TNR: variants seen among roughly 807,000 people sequenced by gnomAD.
TNR encodes tenascin-R.
TNR carries 45 observed loss-of-function variants against 150.4 expected under a neutral mutation model. That is an observed-to-expected ratio of 0.30 (90% confidence interval 0.24 to 0.38). The LOEUF is 0.38. Among genes scored for constraint, TNR ranks in the 10% least tolerant of loss-of-function variants. The pLI is 1.00. For synonymous variants in TNR, 687 were observed against 678.4 expected (o/e 1.01, Z -0.20); for missense variants, 1,544 against 1,759.1 (o/e 0.88, Z 2.19).
intron 1 of TNR, among the ~76,000 whole-genome samples, chr1:175,574,299 G>A (rs1038044499): frequency 7.9e-5 from 12 of 152,122 alleles, no homozygotes; most frequent in African/African-American, 1.2e-4. Context: ...ATGAAAAGAC[G>A]TCCTGTCCCC....
At chr1:175,335,999 T>G (rs1650230435) in intron 19 of TNR, among the ~76,000 whole-genome samples, 192 bp from the exon 20 acceptor site, 1 of 152,226 alleles carries the variant, frequency 6.6e-6, no homozygotes, top group Admixed American at 6.5e-5. Flanking sequence ...TAGGAGACAC[T>G]CAGAGCATTT....
At chr1:175,681,817 G>A (rs1341892915) in intron 1 of TNR, among the ~76,000 whole-genome samples, 1 of 152,146 alleles carries the variant, frequency 6.6e-6, no homozygotes, top group African/African-American at 2.4e-5. Context: ...GGAGAAAGGT[G>A]GGAATGGGCC....
intron 1 of TNR, among the ~76,000 whole-genome samples, chr1:175,543,179 C>A (rs1441903544): frequency 6.6e-6 from 1 of 152,094 alleles, no homozygotes; most frequent in African/African-American, 2.4e-5. Context: ...CAAAATGGGG[C>A]AGAAAGGGTA....
Position 175,359,723 on chromosome 1 carries a change from T to G in TNR, c.2863A>C (p.Asn955His), listed in dbSNP as rs746636410. Residue 955 changes from asparagine to histidine, a missense_variant, in exon 15 of 23, where the codon AAC becomes CAC. Physicochemically the swap from Asn to His is moderately conservative, Grantham distance 68. Transcript: ENST00000367674. The part of the protein sequence containing the change: ...ICTLVHTAMD[N>H]PVDLIATNIT... Reference sequence around the variant, plus strand: ...TTGGTAGCAATCAGATCCACAGGGTTGTCCATGGCTGAAACAGAATAGATT... The same window carrying G: ...TTGGTAGCAATCAGATCCACAGGGTGGTCCATGGCTGAAACAGAATAGATT... The G allele has an allele frequency of 3.7e-6, 6 of 1,610,964 alleles. No individual in the cohort carries two copies. The highest frequency in any genetic ancestry group is 2.2e-5 in the South Asian group (2 of 90,444).
At chr1:175,499,881 C>G (rs1169475780) in intron 2 of TNR, among the ~76,000 whole-genome samples, 2 of 152,112 alleles carry the variant, frequency 1.3e-5, no homozygotes, top group African/African-American at 4.8e-5. Context: ...CTACTGTTGC[C>G]CCTAAGATTG....
At position 175,331,078 on chromosome 1, in the gene TNR, C is replaced by CTTTCTTTCCTTCCTTCTTTCT; in HGVS notation, c.3632-844_3632-843insAGAAAGAAGGAAGGAAAGAAA. Among the ~76,000 whole-genome samples the CTTTCTTTCCTTCCTTCTTTCT allele has an allele frequency of 3.3e-5, 2 of 59,944 alleles. 1 individual carries two copies. The highest frequency in any genetic ancestry group is 1.3e-4 in the African/African-American group (2 of 15,862). 39.3% of individuals were successfully genotyped at this position (59,944 alleles called of 152,430 possible). ...CTTTCTTTCTTTCTTTCTTTCTTTC[C>CTTTCTTTCCTTCCTTCTTTCT]TTCTTTCTTTCTTTCTTTCTTTCTC... On this transcript the variant is annotated intron_variant, in intron 20 of 22. Coordinates refer to ENST00000367674, the MANE Select transcript of TNR (RefSeq NM_003285.3).
chr1:175,387,212 G>A (rs374096673), intron 7 of TNR, among the ~76,000 whole-genome samples: 1 of 152,224 alleles, frequency 6.6e-6, no homozygotes, highest in East Asian at 1.9e-4. Context: ...AGCCAAGTGA[G>A]GAGAATAGGA....
intron 2 of TNR, among the ~76,000 whole-genome samples, chr1:175,496,091 T>C (rs1571521623): frequency 6.6e-6 from 1 of 152,208 alleles, no homozygotes; most frequent in Non-Finnish European, 1.5e-5. Flanking sequence ...TGTTTCTCTA[T>C]ATAGAGAAAT....
intron 2 of TNR, among the ~76,000 whole-genome samples, chr1:175,510,127 G>T (rs1487604507): frequency 6.6e-6 from 1 of 152,140 alleles, no homozygotes; most frequent in Non-Finnish European, 1.5e-5. Flanking sequence ...TACTCAGGAG[G>T]CTGAGGTGGG....
chr1:175,338,664 G>C (rs1345854852), intron 18 of TNR, among the ~76,000 whole-genome samples: 1 of 152,180 alleles, frequency 6.6e-6, no homozygotes. Flanking sequence ...GACCGCACGT[G>C]TCAGTTACTG....
chr1:175,585,127 A>C (rs1424432736), intron 1 of TNR, among the ~76,000 whole-genome samples: 1 of 152,230 alleles, frequency 6.6e-6, no homozygotes, highest in African/African-American at 2.4e-5. Context: ...CTTAACAAAA[A>C]CTGATGATGT....
intron 2 of TNR, among the ~76,000 whole-genome samples, chr1:175,435,428 G>T (rs1655459446): frequency 6.6e-6 from 1 of 152,170 alleles, no homozygotes. Flanking sequence ...GAAAGACCAC[G>T]GAGGATCAGG....
intron 1 of TNR, among the ~76,000 whole-genome samples, chr1:175,664,101 A>G (rs1482368495): frequency 6.6e-6 from 1 of 152,246 alleles, no homozygotes; most frequent in Non-Finnish European, 1.5e-5. Context: ...GCTAGGCTGC[A>G]TGGCCAAAGG....
At chr1:175,639,713 C>T (rs1470991402) in intron 1 of TNR, among the ~76,000 whole-genome samples, 1 of 152,198 alleles carries the variant, frequency 6.6e-6, no homozygotes. Flanking sequence ...ACTTTCCAGC[C>T]TCACCAAGGA....
intron 2 of TNR, among the ~76,000 whole-genome samples, chr1:175,435,329 A>G (rs1214885430): frequency 1.3e-5 from 2 of 152,210 alleles, no homozygotes; most frequent in Non-Finnish European, 2.9e-5. Flanking sequence ...ATGGATTGAT[A>G]GTTGGTGAGA....
chr1:175,355,675 G>A (rs376496619), intron 16 of TNR, 42 bp from the exon 17 acceptor site: 2 of 1,610,270 alleles, frequency 1.2e-6, no homozygotes, highest in East Asian at 2.2e-5. Context: ...TGCCTCTCCA[G>A]CTCCTCCCCC....
At chr1:175,731,527 T>C (rs926280109) in intron 1 of TNR, among the ~76,000 whole-genome samples, 2 of 152,206 alleles carry the variant, frequency 1.3e-5, no homozygotes, top group Non-Finnish European at 2.9e-5. Context: ...CCCGGAGTCC[T>C]ATATATGTTG....
Position 175,621,390 on chromosome 1 carries a change from C to T in TNR, c.-164-93021G>A, listed in dbSNP as rs143515816. Among the ~76,000 whole-genome samples, 123 of 152,270 alleles carry T rather than the reference C, an allele frequency of 8.1e-4. 1 individual carries two copies. The South Asian group carries it at 9.8e-3, about 12-fold the overall frequency. On this transcript the variant is annotated intron_variant, in intron 1 of 22. Transcript: ENST00000367674. Reference sequence around the variant, plus strand: ...GGCCCCATCTGACCCTCCTTGCTTCCCTTCATGGATCTGACACCCCCACCA... The same window carrying T: ...GGCCCCATCTGACCCTCCTTGCTTCTCTTCATGGATCTGACACCCCCACCA...
chr1:175,588,884 G>A (rs901499085), intron 1 of TNR, among the ~76,000 whole-genome samples: 35 of 152,108 alleles, frequency 2.3e-4, no homozygotes, highest in Admixed American at 1.6e-3. Context: ...CCACAGTAAT[G>A]CCTTAACTGG....
Sources: allele counts gnomAD v4.1 joint callset (sites outside exome capture counted in the v4.1 genomes callset), GRCh38; gene constraint gnomAD v4.1.1; transcripts MANE v1.5; gene names NCBI Gene and HGNC (gene_info 2026-07-23, HGNC 2026-07-21).